ODR4: variants seen among roughly 807,000 people sequenced by gnomAD.
ODR4 encodes the protein protein odr-4 homolog.
ODR4 carries 47 observed loss-of-function variants against 60.2 expected under a neutral mutation model. The ratio of observed to expected loss-of-function variants is 0.78; its 90% confidence interval spans 0.62 to 1.00. The LOEUF (loss-of-function observed/expected upper bound fraction) is 1.00, where lower values mean the gene tolerates loss of function less well. ODR4 is among the 50% of genes least tolerant of loss of function. ODR4 has a pLI of 0.00. For missense variants in ODR4, 488 were observed against 530.8 expected (o/e 0.92, Z 0.79); for synonymous variants, 178 against 175.5 (o/e 1.01, Z -0.11).
In ODR4 at chr1:186,385,225, C is replaced by T. The variant is rs149693944; in HGVS notation, c.235-763C>T. ...AAGATGCCCAGTATCAGTAAGTGGG[C>T]TTAAAAATTTGAGGTTAATCTATGC... On this transcript the variant is annotated intron_variant, in intron 3 of 13. Transcript: ENST00000287859. Among the ~76,000 whole-genome samples, 325 of 150,256 alleles carry T rather than the reference C, an allele frequency of 2.2e-3. 2 individuals carry two copies. The East Asian group carries it at 0.051, about 23-fold the overall frequency.
intron 12 of ODR4, among the ~76,000 whole-genome samples, chr1:186,410,000 ATCAATTGCATATTTAATG>A (rs1301239692): frequency 6.6e-6 from 1 of 152,188 alleles, no homozygotes; most frequent in Non-Finnish European, 1.5e-5. Flanking sequence ...TATTTAAATC[ATCAATTGCATATTTAATG>A]TTGATCTTTC....
At chr1:186,421,516 A>G (rs927005577), downstream of ODR4, 5 of 152,092 alleles carry the variant, frequency 3.3e-5, no homozygotes, top group South Asian at 2.1e-4. Flanking sequence ...CTTAAAATTG[A>G]CTATGTTATA....
At chr1:186,416,587 G>A (rs910246910) in intron 12 of ODR4, among the ~76,000 whole-genome samples, 1 of 152,100 alleles carries the variant, frequency 6.6e-6, no homozygotes, top group African/African-American at 2.4e-5. Context: ...CAGGAGAATT[G>A]CTTGAACCTG....
intron 2 of ODR4, among the ~76,000 whole-genome samples, chr1:186,380,286 T>G (rs776079203): frequency 3.3e-5 from 5 of 152,198 alleles, no homozygotes; most frequent in African/African-American, 4.8e-5. Flanking sequence ...TGTTCTAATT[T>G]GTGTTGTCTT....
chr1:186,427,204 A>AT, the ODR4 span, among the ~76,000 whole-genome samples: 2 of 152,138 alleles, frequency 1.3e-5, no homozygotes, highest in Non-Finnish European at 2.9e-5. Flanking sequence ...TTCATGAAAG[A>AT]TTTTTCTGTA....
intron 2 of ODR4, among the ~76,000 whole-genome samples, chr1:186,380,141 T>C (rs1352509783): frequency 6.6e-6 from 1 of 152,180 alleles, no homozygotes; most frequent in African/African-American, 2.4e-5. Flanking sequence ...ATATGGAAAC[T>C]TCAGAATTAG....
chr1:186,428,789 A>C, the ODR4 span, among the ~76,000 whole-genome samples: 1 of 152,194 alleles, frequency 6.6e-6, no homozygotes, highest in South Asian at 2.1e-4. Flanking sequence ...GTTTCAGAGA[A>C]TAGGGATAGG....
At chr1:186,417,775 T>G in intron 13 of ODR4, 121 bp downstream of exon 13, 1 of 624,178 alleles carries the variant, frequency 1.6e-6, no homozygotes, top group Non-Finnish European at 2.8e-6. Context: ...ACAGTATTTA[T>G]TGGGTATTAT....
chr1:186,407,584 G>C (rs1205378198), intron 12 of ODR4, among the ~76,000 whole-genome samples: 1 of 152,088 alleles, frequency 6.6e-6, no homozygotes, highest in East Asian at 1.9e-4. Context: ...TGGGGATTCA[G>C]ATTCTATTCT....
intron 6 of ODR4, 146 bp from the exon 7 acceptor site, chr1:186,390,565 A>G (rs1660428091): frequency 3.9e-6 from 3 of 769,946 alleles, no homozygotes; most frequent in South Asian, 3.4e-5. Context: ...AGTTCAACCT[A>G]TAGTCTTTTG....
At chr1:186,401,192 A>T in intron 11 of ODR4, 1 of 1,573,966 alleles carries the variant, frequency 6.4e-7, no homozygotes, top group South Asian at 1.1e-5. Flanking sequence ...ATTTTTGCTG[A>T]TGTTCAATTA....
At chr1:186,377,020 A>C (rs1340234595) in intron 1 of ODR4, among the ~76,000 whole-genome samples, 3 of 152,176 alleles carry the variant, frequency 2.0e-5, no homozygotes, top group Non-Finnish European at 2.9e-5. Context: ...TCCGTGGGGC[A>C]TTGGTTCCAG....
In ODR4 at chr1:186,419,488, A is replaced by C. The variant is rs1370175115; in HGVS notation, c.*412A>C. ...TTTGAGAGGCTGAGGTAGGAGCATC[A>C]CCTGGGGCTGGGAGGGAGTTGGAGA... On this transcript the variant is annotated 3_prime_UTR_variant, in exon 14 of 14. Coordinates refer to ENST00000287859, the MANE Select transcript of ODR4 (RefSeq NM_017847.6). The C allele has an allele frequency of 6.3e-6, 1 of 159,978 alleles. No homozygotes were observed. The highest frequency in any genetic ancestry group is 2.4e-5 in the African/African-American group (1 of 41,560). The allele number at this position is 159,978 out of a possible 1,614,324, so 9.9% of individuals were successfully genotyped here.
chr1:186,376,349 C>T (rs1659764203), intron 1 of ODR4, among the ~76,000 whole-genome samples: 1 of 152,184 alleles, frequency 6.6e-6, no homozygotes, highest in Non-Finnish European at 1.5e-5. Context: ...TTAATTTCTA[C>T]AGTAACAGAA....
At chr1:186,394,826 G>C (rs575396760) in intron 9 of ODR4, among the ~76,000 whole-genome samples, 3 of 152,296 alleles carry the variant, frequency 2.0e-5, no homozygotes, top group Admixed American at 6.5e-5. Flanking sequence ...CTCAATGTGA[G>C]TTCTCAATTT....
At chr1:186,398,681 A>G (rs183196334) in intron 10 of ODR4, among the ~76,000 whole-genome samples, 11 of 152,294 alleles carry the variant, frequency 7.2e-5, no homozygotes, top group East Asian at 5.8e-4. Context: ...ACTGTTATAC[A>G]TATTAGTATC....
At chr1:186,418,770 A>G (rs1365323829) in intron 13 of ODR4, among the ~76,000 whole-genome samples, 3 of 152,220 alleles carry the variant, frequency 2.0e-5, no homozygotes, top group Non-Finnish European at 4.4e-5. Flanking sequence ...CTCAGTGCAC[A>G]TGTGTGCAAG....
chr1:186,384,625 T>C (rs1202360734), intron 3 of ODR4, among the ~76,000 whole-genome samples: 4 of 148,588 alleles, frequency 2.7e-5, no homozygotes, highest in African/African-American at 1.0e-4. Context: ...TGAATTTATA[T>C]AGTAAATTAG....
intron 12 of ODR4, among the ~76,000 whole-genome samples, chr1:186,407,486 G>T (rs1661215216): frequency 6.6e-6 from 1 of 152,072 alleles, no homozygotes; most frequent in African/African-American, 2.4e-5. Flanking sequence ...GAGCCATTCT[G>T]TTGTTGAATA....
Sources: allele counts gnomAD v4.1 joint callset (sites outside exome capture counted in the v4.1 genomes callset), GRCh38; gene constraint gnomAD v4.1.1; transcripts MANE v1.5; gene names NCBI Gene and HGNC (gene_info 2026-07-23, HGNC 2026-07-21).